DCST2: variants seen among roughly 807,000 people sequenced by gnomAD.
The protein encoded by DCST2 is DC-STAMP domain-containing protein 2.
DCST2 carries 64 observed loss-of-function variants against 81.8 expected under a neutral mutation model. The ratio of observed to expected loss-of-function variants is 0.78; its 90% CI spans 0.64 to 0.96. The LOEUF (loss-of-function observed/expected upper bound fraction) is 0.96. DCST2 is among the 40% of genes least tolerant of loss of function. The pLI is 0.00. For missense variants in DCST2, 945 were observed against 1,001.4 expected, an observed-to-expected ratio of 0.94 and a Z score of 0.76; for synonymous variants, 354 against 402.6, an observed-to-expected ratio of 0.88 and a Z score of 1.44.
rs532500382 is a variant in DCST2 at position 155,033,694 on chromosome 1, T to C, written c.8A>G (p.Lys3Arg). MP[K>R]VMKDVVHPLG... ...GGGGTGCACAACATCCTTCATGACTTTGGGCATGGCTGCTGAGACCAAATG... is the reference window on the plus strand; with the variant it reads ...GGGGTGCACAACATCCTTCATGACTCTGGGCATGGCTGCTGAGACCAAATG... Residue 3 changes from lysine to arginine, a missense_variant, in exon 1 of 15, where the codon AAA (lysine) becomes AGA (arginine). Coordinates refer to ENST00000368424, the MANE Select transcript of DCST2 (RefSeq NM_144622.3). 1.4e-5 allele frequency: 23 copies of C among 1,613,210 alleles called. No homozygotes were observed. The South Asian group carries it at 1.6e-4, about 12-fold the overall frequency.
At chr1:155,030,024 G>C in intron 7 of DCST2, 60 bp downstream of exon 7, 1 of 1,602,944 alleles carries the variant, frequency 6.2e-7, no homozygotes, top group South Asian at 1.1e-5. Context: ...GCAGGGCAGC[G>C]GGGTGGGGGG....
chr1:155,030,366 G>T, intron 6 of DCST2, 66 bp downstream of exon 6: 1 of 1,593,456 alleles, frequency 6.3e-7, no homozygotes, highest in Non-Finnish European at 8.6e-7. Context: ...GAAATGAGCT[G>T]CTCCCTGCAG....
Position 155,023,275 on chromosome 1 carries a change from C to T in DCST2, c.1965-18G>A. On this transcript the variant is annotated intron_variant, in intron 13 of 14. Transcript: ENST00000368424. ...TGGAGTCCCTGGAGAAGACTCTCAT[C>T]TCAGTGGCCTGCAGACATCCTGGGA... 1 of 1,614,090 alleles carries T rather than the reference C, an allele frequency of 6.2e-7. No individual in the cohort carries two copies. Among genetic ancestry groups the T allele is most frequent in the Non-Finnish European group, 8.5e-7 (1 of 1,179,986 alleles).
intron 8 of DCST2, 101 bp downstream of exon 8, chr1:155,029,132 G>T: frequency 1.4e-6 from 2 of 1,403,498 alleles, no homozygotes; most frequent in Non-Finnish European, 2.0e-6. Context: ...CAGGACTGAG[G>T]ATGGGAAGAG....
chr1:155,028,731 G>A (rs1332115628), intron 8 of DCST2, among the ~76,000 whole-genome samples: 1 of 151,772 alleles, frequency 6.6e-6, no homozygotes, highest in Non-Finnish European at 1.5e-5. Context: ...AAATAAGCTG[G>A]GCATGGTGGC....
rs548913303 is a variant in DCST2, at chr1:155,027,815, A to G, written c.1343-1100T>C. Among the ~76,000 whole-genome samples, 3 of 151,786 alleles carry G rather than the reference A, an allele frequency of 2.0e-5. No homozygotes were observed. The South Asian group carries it at 6.2e-4, about 32-fold the overall frequency. On this transcript the variant is annotated intron_variant, in intron 8 of 14. Transcript: ENST00000368424. ...TGACCTTAGGTGATCTGTCTGCCTC[A>G]GCCTCCCAAAGTGCTAGGATTACAG...
At position 155,031,786 on chromosome 1, in the gene DCST2, A is replaced by T. The variant is rs1243837324; in HGVS notation, c.542-15T>A. ...GAGAGCCCTGGCTGGGGACAGCTGC[A>T]GGGTTGGCACCCAGGGCTGGAATCC... On this transcript the variant is annotated splice_polypyrimidine_tract_variant and intron_variant, in intron 3 of 14. Transcript: ENST00000368424. 3 of 1,612,632 alleles carry T rather than the reference A, an allele frequency of 1.9e-6. No individual in the cohort carries two copies. The East Asian group carries it at 6.7e-5, about 36-fold the overall frequency.
chr1:155,023,473 G>T lies in DCST2; in HGVS notation c.1871-16C>A. 1.9e-6 allele frequency: 3 copies of T among 1,574,810 alleles called. No individual in the cohort carries two copies. Among genetic ancestry groups the T allele is most frequent in the Non-Finnish European group, 2.6e-6 (3 of 1,159,948 alleles). On this transcript the variant is annotated splice_polypyrimidine_tract_variant and intron_variant, in intron 12 of 14. Coordinates refer to ENST00000368424, the MANE Select transcript of DCST2 (RefSeq NM_144622.3). ...CAGTAGAGACCTGGTGGAGGCCATG[G>T]GGAATGGAGGTGAACCCGAGTTCAC...
rs1240566583 is a variant in DCST2, at chr1:155,023,157, GC to G, written c.2064del (p.Leu689SerfsTer?). On this transcript the variant is annotated frameshift_variant, in exon 14 of 15. Transcript: ENST00000368424. LOFTEE classifies it low-confidence loss of function (END_TRUNC). ...AWLLQQQLQEVLGRSLSMEST... is the reference protein window; with the variant it reads ...AWLLQQQLQEXLGRSLSMEST... ...GACTCCATTGAGAGGCTCCTGCCGA[GC>G]ACTTCTTGGAGCTGTTGCTGCAATA... 1 of 1,613,862 alleles carries G rather than the reference GC, an allele frequency of 6.2e-7. No individual in the cohort carries two copies. Among genetic ancestry groups the G allele is most frequent in the Admixed American group, 1.7e-5 (1 of 60,034 alleles).
intron 14 of DCST2, among the ~76,000 whole-genome samples, chr1:155,020,675 T>A (rs904365803): frequency 5.3e-5 from 8 of 151,924 alleles, no homozygotes; most frequent in African/African-American, 1.9e-4. Flanking sequence ...CCTTTCTGAG[T>A]CTTCTTTACC....
Position 155,029,323 on chromosome 1 carries a change from G to C in DCST2, c.1252C>G (p.Leu418Val). 6.2e-7 allele frequency: 1 copy of C among 1,614,154 alleles called. No homozygotes were observed. The highest frequency in any genetic ancestry group is 8.5e-7 in the Non-Finnish European group (1 of 1,180,020). ...ETFNLIRHLL[L>V]VLFLVFLDYA... ...TCTAGGAAGACTAGGAACAGCACGA[G>C]GAGGAGGTGTCGGATAAGGTTGAAG... Residue 418 changes from leucine (L) to valine (V), a missense_variant, in exon 8 of 15, where the codon CTC becomes GTC. Transcript: ENST00000368424.
chr1:155,027,716 A>G (rs569291016), intron 8 of DCST2, among the ~76,000 whole-genome samples: 57 of 149,378 alleles, frequency 3.8e-4, no homozygotes, highest in Middle Eastern at 7.0e-3. Context: ...GCCCACCACT[A>G]TGCCTGGCTC....
intron 5 of DCST2, 76 bp downstream of exon 5, chr1:155,031,093 G>T: frequency 6.8e-7 from 1 of 1,463,488 alleles, no homozygotes; most frequent in Non-Finnish European, 9.3e-7. Context: ...AGCACTGGGG[G>T]CTGGCCATGG....
intron 4 of DCST2, 108 bp from the exon 5 acceptor site, chr1:155,031,342 C>T: frequency 1.6e-6 from 2 of 1,235,230 alleles, no homozygotes; most frequent in Non-Finnish European, 2.2e-6. Flanking sequence ...TCCTATTGGC[C>T]TCCACATTTG....
chr1:155,031,227 C>A lies in DCST2; in HGVS notation c.747G>T (p.Gln249His). Residue 249 changes from glutamine to histidine, a missense_variant, in exon 5 of 15, where the codon CAG becomes CAT. Transcript: ENST00000368424. Reference sequence around the variant, plus strand: ...TGTACTTAGGGATGACGCAGAACACCTGGACCACTGAGGGGCGGAGTCGGC... The same window carrying A: ...TGTACTTAGGGATGACGCAGAACACATGGACCACTGAGGGGCGGAGTCGGC... ...LALCGLASLV[Q>H]VFCVIPKYIQ... The A allele has an allele frequency of 6.3e-7, 1 of 1,581,926 alleles. No individual in the cohort carries two copies. Among genetic ancestry groups the A allele is most frequent in the Non-Finnish European group, 8.6e-7 (1 of 1,163,892 alleles).
intron 10 of DCST2, among the ~76,000 whole-genome samples, chr1:155,025,217 C>G (rs1407102305): frequency 2.6e-5 from 4 of 151,550 alleles, no homozygotes; most frequent in Non-Finnish European, 5.9e-5. Flanking sequence ...CAGACTGTGT[C>G]TGGTTCATCT....
chr1:155,018,768 GGA>G lies in DCST2; in HGVS notation c.2106-10_2106-9del. On this transcript the variant is annotated splice_polypyrimidine_tract_variant and intron_variant, in intron 14 of 14. Transcript: ENST00000368424. The stretch of plus-strand genomic sequence containing the variant: ...TTCTCCTCATCCAGGTCACTAGTGA[GGA>G]GAGGAAGGGGGTGGCCGGATCACCC... 6.2e-7 allele frequency: 1 copy of G among 1,611,384 alleles called. No individual in the cohort carries two copies. Among genetic ancestry groups the G allele is most frequent in the Non-Finnish European group, 8.5e-7 (1 of 1,179,422 alleles).
intron 14 of DCST2, among the ~76,000 whole-genome samples, chr1:155,022,842 C>T (rs1025433236): frequency 3.3e-5 from 5 of 152,200 alleles, no homozygotes; most frequent in South Asian, 2.1e-4. Context: ...CTGTTGTGTC[C>T]TCTGTGCTGT....
chr1:155,028,852 G>A (rs559491015), intron 8 of DCST2, among the ~76,000 whole-genome samples: 113 of 118,098 alleles, frequency 9.6e-4, no homozygotes, highest in Non-Finnish European at 1.6e-3. Context: ...CCTGGTGACA[G>A]AACGAGACTC....
Sources: allele counts gnomAD v4.1 joint callset (sites outside exome capture counted in the v4.1 genomes callset), GRCh38; gene constraint gnomAD v4.1.1; transcripts MANE v1.5; gene names NCBI Gene and HGNC (gene_info 2026-07-23, HGNC 2026-07-21).